SBNO1: variants seen among roughly 807,000 people sequenced by gnomAD.
SBNO1 encodes protein strawberry notch homolog 1.
Under a neutral mutation model 173.6 loss-of-function variants are expected in SBNO1, and 23 were observed. The observed-to-expected ratio is 0.13, with a 90% CI of 0.10 to 0.19. The LOEUF is 0.19. SBNO1 is among the 10% of genes least tolerant of loss of function. The pLI is 1.00. For synonymous variants in SBNO1, 632 were observed against 571.5 expected, an observed-to-expected ratio of 1.11 and a Z score of -1.51; for missense variants, 1,238 against 1,671.2, an observed-to-expected ratio of 0.74 and a Z score of 4.52.
intron 24 of SBNO1, among the ~76,000 whole-genome samples, chr12:123,311,720 C>CTATCTATCTATCTATATATA (rs1224940028): frequency 7.8e-6 from 1 of 127,434 alleles, no homozygotes; most frequent in African/African-American, 3.2e-5. Flanking sequence ...ATCTATCTAT[C>CTATCTATCTATCTATATATA]TATATATATA....
At chr12:123,361,876 C>G (rs1875249385) in intron 1 of SBNO1, among the ~76,000 whole-genome samples, 1 of 152,162 alleles carries the variant, frequency 6.6e-6, no homozygotes, top group Admixed American at 6.5e-5. Flanking sequence ...CGCGGTGGCT[C>G]ACGCCTGTAA....
At position 123,328,776 on chromosome 12, in the gene SBNO1, T is replaced by A; in HGVS notation, c.1254A>T (p.Leu418Phe). 1 of 1,603,038 alleles carries A rather than the reference T, an allele frequency of 6.2e-7. No homozygotes were observed. Among genetic ancestry groups the A allele is most frequent in the Non-Finnish European group, 8.5e-7 (1 of 1,173,292 alleles). The change falls in exon 10 of 32, where the codon TTA becomes TTT. Residue 418 changes from leucine (L) to phenylalanine (F), a missense_variant. By Grantham distance (22) the Leu-to-Phe change is conservative. Transcript: ENST00000602398. ...SQSGGKYKTR[L>F]KQLLHWCGDD... ...CACCGCACCAATGCAGAAGTTGTTT[T>A]AACCTAGTTTTATACTTGCCGCCAG...
chr12:123,317,863 T>C (rs1320991146), intron 20 of SBNO1, among the ~76,000 whole-genome samples: 3 of 152,248 alleles, frequency 2.0e-5, no homozygotes, highest in Non-Finnish European at 2.9e-5. Context: ...TTCCAACTAA[T>C]GTAATTCCTA....
intron 4 of SBNO1, among the ~76,000 whole-genome samples, chr12:123,343,297 T>C (rs1187745355): frequency 6.6e-6 from 1 of 152,110 alleles, no homozygotes; most frequent in Non-Finnish European, 1.5e-5. Context: ...GAGATGATAT[T>C]TGGGGGCATG....
intron 30 of SBNO1, among the ~76,000 whole-genome samples, chr12:123,301,243 T>C (rs1006282107): frequency 6.6e-6 from 1 of 152,120 alleles, no homozygotes; most frequent in African/African-American, 2.4e-5. Flanking sequence ...CCTGGACTCA[T>C]GTGATCCATC....
chr12:123,314,906 ATT>A (rs760653627), intron 23 of SBNO1, among the ~76,000 whole-genome samples: 19 of 129,242 alleles, frequency 1.5e-4, no homozygotes, highest in Non-Finnish European at 1.8e-4. Flanking sequence ...TAATTTTTGT[ATT>A]TTTTTTTTTT....
At chr12:123,304,252 G>A (rs572219115) in intron 29 of SBNO1, among the ~76,000 whole-genome samples, 1 of 151,178 alleles carries the variant, frequency 6.6e-6, no homozygotes, top group South Asian at 2.1e-4. Context: ...TCTTTTTTTT[G>A]AGACGAAGTT....
At position 123,323,759 on chromosome 12, in the gene SBNO1, T is replaced by A; in HGVS notation, c.2046A>T (p.Gly682=). 1 of 1,613,164 alleles carries A rather than the reference T, an allele frequency of 6.2e-7. No homozygotes were observed. The highest frequency in any genetic ancestry group is 1.1e-5 in the South Asian group (1 of 90,950). The change falls in exon 16 of 32, where the codon GGA becomes GGT. Residue 682 remains glycine, a synonymous_variant. Coordinates refer to ENST00000602398, the MANE Select transcript of SBNO1 (RefSeq NM_001167856.3). The part of the protein sequence containing the change: ...PDRKKLYSLL[G]IDLTAPSNNS... The stretch of plus-strand genomic sequence containing the variant: ...TGTTACTTGGAGCTGTCAAATCGAT[T>A]CCTAGTAAACTATAAAGTTTTTTCC...
intron 5 of SBNO1, among the ~76,000 whole-genome samples, chr12:123,339,865 A>C (rs1285187661): frequency 6.6e-6 from 1 of 152,018 alleles, no homozygotes; most frequent in African/African-American, 2.4e-5. Flanking sequence ...TTCTTTCTAC[A>C]AGCTAAGCTT....
chr12:123,337,967 C>T (rs1274056165), intron 5 of SBNO1, among the ~76,000 whole-genome samples: 1 of 152,060 alleles, frequency 6.6e-6, no homozygotes, highest in Non-Finnish European at 1.5e-5. Flanking sequence ...ACCACTATAT[C>T]CAGGGAACAA....
intron 25 of SBNO1, among the ~76,000 whole-genome samples, 154 bp from the exon 26 acceptor site, chr12:123,310,010 C>G (rs10846510): frequency 0.063 from 9,564 of 152,276 alleles, 335 homozygotes; most frequent in South Asian, 0.11. Context: ...GCCCATTTCT[C>G]TCTCTAGCAA....
At chr12:123,346,354 A>T (rs1372645369) in intron 3 of SBNO1, among the ~76,000 whole-genome samples, 1 of 152,176 alleles carries the variant, frequency 6.6e-6, no homozygotes, top group Non-Finnish European at 1.5e-5. Context: ...CTCCTTTAAT[A>T]ATGAGTCTTT....
chr12:123,313,139 T>G (rs1868802830), intron 24 of SBNO1, among the ~76,000 whole-genome samples: 2 of 150,886 alleles, frequency 1.3e-5, no homozygotes, highest in Admixed American at 1.3e-4. Flanking sequence ...TTGGCAGAGG[T>G]TGCAGTGAGC....
At chr12:123,359,215 G>A (rs1401951188) in intron 1 of SBNO1, among the ~76,000 whole-genome samples, 2 of 150,856 alleles carry the variant, frequency 1.3e-5, no homozygotes, top group Non-Finnish European at 3.0e-5. Flanking sequence ...TTACAGGAGT[G>A]AGCCACCGCA....
In SBNO1 at chr12:123,320,034, G is replaced by T. The variant is rs1593356895; in HGVS notation, c.2668-3C>A. 1 of 1,613,882 alleles carries T rather than the reference G, an allele frequency of 6.2e-7. No homozygotes were observed. The highest frequency in any genetic ancestry group is 8.5e-7 in the Non-Finnish European group (1 of 1,179,950). On this transcript the variant is annotated splice_polypyrimidine_tract_variant and splice_region_variant and intron_variant, in intron 19 of 31. Coordinates refer to ENST00000602398, the MANE Select transcript of SBNO1 (RefSeq NM_001167856.3). ...ACCCGTCCCTTGCGGCCAGTCATCT[G>T]AGAAGCCAAACAATGTCATTACAAT...
intron 21 of SBNO1, 90 bp downstream of exon 21, chr12:123,317,131 C>T: frequency 7.3e-7 from 1 of 1,378,446 alleles, no homozygotes; most frequent in Non-Finnish European, 1.0e-6. Context: ...AGCCTCTGTG[C>T]CCGGCCTAAA....
At chr12:123,347,997 T>C (rs760249329) in intron 3 of SBNO1, 32 bp downstream of exon 3, 1 of 1,366,430 alleles carries the variant, frequency 7.3e-7, no homozygotes, top group Non-Finnish European at 1.0e-6. Flanking sequence ...TAAACTATTT[T>C]AGAAGTAACG....
In SBNO1 at chr12:123,331,666, C is replaced by T. The variant is rs190433492; in HGVS notation, c.910-291G>A. Among the ~76,000 whole-genome samples the T allele has an allele frequency of 1.9e-3, 286 of 151,984 alleles. 2 individuals are homozygous for T. The East Asian group carries it at 0.04, about 21-fold the overall frequency. ...CCTCCTGAGTAGGTGGGACTACAGG[C>T]GCCCGCCACCACGCCTGGCTAATTT... is the stretch of plus-strand genomic sequence containing the variant. On this transcript the variant is annotated intron_variant, in intron 7 of 31. Transcript: ENST00000602398.
At chr12:123,336,912 T>A (rs549092298) in intron 5 of SBNO1, among the ~76,000 whole-genome samples, 1 of 152,302 alleles carries the variant, frequency 6.6e-6, no homozygotes, top group Non-Finnish European at 1.5e-5. Flanking sequence ...CAAAGGTGGA[T>A]TGGCCCCAAA....
Sources: allele counts gnomAD v4.1 joint callset (sites outside exome capture counted in the v4.1 genomes callset), GRCh38; gene constraint gnomAD v4.1.1; transcripts MANE v1.5; gene names NCBI Gene and HGNC (gene_info 2026-07-23, HGNC 2026-07-21).